ATRX: variants seen among roughly 807,000 people sequenced by gnomAD.
The protein encoded by ATRX is ATRX chromatin remodeler, also known as chromatin remodeler ATRX.
Under a neutral mutation model 172.6 loss-of-function variants are expected in ATRX, and 12 were observed. The observed-to-expected ratio is 0.07, with a 90% CI of 0.04 to 0.11. The LOEUF (loss-of-function observed/expected upper bound fraction) is 0.11, where lower values mean the gene tolerates loss of function less well. ATRX is among the 10% of genes least tolerant of loss of function. The pLI is 1.00. For missense variants in ATRX, 1,368 were observed against 1,767.4 expected (o/e 0.77, Z 4.05); for synonymous variants, 674 against 594.7 (o/e 1.13, Z -1.94).
At chrX:77,527,582 C>G (rs1477094429) in intron 30 of ATRX, among the ~76,000 whole-genome samples, 1 of 112,104 alleles carries the variant, frequency 8.9e-6, no homozygotes, top group Non-Finnish European at 1.9e-5. Flanking sequence ...CAGGCGCACA[C>G]AGAGATCTGG....
chrX:77,554,331 C>T (rs34209446), intron 30 of ATRX, among the ~76,000 whole-genome samples: 1,718 of 111,096 alleles, frequency 0.015, 14 homozygotes, highest in Non-Finnish European at 0.024. Context: ...TTTTCGCTGC[C>T]TATCCCTTTA....
chrX:77,785,413 T>C (rs1484808058), intron 1 of ATRX, among the ~76,000 whole-genome samples: 1 of 108,837 alleles, frequency 9.2e-6, no homozygotes, highest in Non-Finnish European at 1.9e-5. Flanking sequence ...GATACCTAAA[T>C]ACCTGGAACT....
intron 12 of ATRX, among the ~76,000 whole-genome samples, chrX:77,661,098 A>T (rs1490760222): frequency 8.9e-6 from 1 of 112,241 alleles, no homozygotes; most frequent in Non-Finnish European, 1.9e-5. Context: ...TTCAATAGGG[A>T]AAAAAGTGGT....
chrX:77,570,176 T>C (rs1189177597), intron 28 of ATRX, among the ~76,000 whole-genome samples: 1 of 108,189 alleles, frequency 9.2e-6, no homozygotes, highest in African/African-American at 3.3e-5. Flanking sequence ...TATGGTTTTT[T>C]CTTCGTTCTT....
chrX:77,684,204 T>A lies in ATRX; in HGVS notation c.1052A>T (p.Glu351Val). Residue 351 changes from glutamate to valine, a missense_variant, in exon 9 of 35, where the codon GAG becomes GTG. Glu to Val is a moderately radical substitution (Grantham distance 121). Coordinates refer to ENST00000373344, the MANE Select transcript of ATRX (RefSeq NM_000489.6). The stretch of plus-strand genomic sequence containing the variant: ...CAGTTTTTTTGCCTTCTTAATCATC[T>A]CTTTGGGCACAATTAGTGCGGAATA... Reference protein sequence around the residue: ...YSYSALIVPKEMIKKAKKLIE... With the variant: ...YSYSALIVPKVMIKKAKKLIE... The A allele has an allele frequency of 8.3e-7, 1 of 1,211,063 alleles. No homozygotes were observed. The highest frequency in any genetic ancestry group is 1.1e-6 in the Non-Finnish European group (1 of 895,274).
intron 30 of ATRX, among the ~76,000 whole-genome samples, chrX:77,552,795 A>G (rs1312347117): frequency 1.8e-5 from 2 of 110,903 alleles, no homozygotes; most frequent in African/African-American, 3.3e-5. Context: ...GAAATGGAGG[A>G]ACAGGAATTA....
chrX:77,608,372 A>G (rs1557092102), intron 22 of ATRX, among the ~76,000 whole-genome samples: 1 of 107,119 alleles, frequency 9.3e-6, no homozygotes, highest in East Asian at 2.9e-4. Flanking sequence ...CCGTCTCAAA[A>G]AAAAAAAAAA....
chrX:77,521,378 A>G, intron 33 of ATRX, 25 bp downstream of exon 33: 2 of 1,151,053 alleles, frequency 1.7e-6, no homozygotes, highest in African/African-American at 3.5e-5. Context: ...GGAGGTTGGA[A>G]TAAGACAATT....
At chrX:77,544,634 T>A (rs2064163651) in intron 30 of ATRX, among the ~76,000 whole-genome samples, 2 of 104,020 alleles carry the variant, frequency 1.9e-5, no homozygotes, top group African/African-American at 3.5e-5. Flanking sequence ...GATCTCATTG[T>A]TCAATTTCCA....
intron 9 of ATRX, 133 bp from the exon 10 acceptor site, chrX:77,676,431 G>T: frequency 2.2e-6 from 1 of 454,144 alleles, no homozygotes; most frequent in Non-Finnish European, 3.8e-6. Context: ...CAAAATATGA[G>T]TAAAAAGCAT....
intron 2 of ATRX, among the ~76,000 whole-genome samples, chrX:77,715,386 T>C (rs2073325974): frequency 8.9e-6 from 1 of 111,944 alleles, no homozygotes; most frequent in Non-Finnish European, 1.9e-5. Context: ...CTATAACATA[T>C]AGCCTAGGTG....
chrX:77,697,487 T>G (rs782468992), intron 4 of ATRX, 96 bp downstream of exon 4: 1 of 839,463 alleles, frequency 1.2e-6, no homozygotes, highest in Non-Finnish European at 1.8e-6. Context: ...TAACTCAGAA[T>G]AGTGGTTGAC....
chrX:77,721,080 T>C (rs782661506), intron 1 of ATRX, among the ~76,000 whole-genome samples: 1 of 111,842 alleles, frequency 8.9e-6, no homozygotes, highest in Non-Finnish European at 1.9e-5. Flanking sequence ...AAAAACCACA[T>C]GATTATCTCA....
At chrX:77,614,513 A>C (rs988455516) in intron 22 of ATRX, among the ~76,000 whole-genome samples, 7 of 112,257 alleles carry the variant, frequency 6.2e-5, no homozygotes, top group African/African-American at 2.3e-4. Flanking sequence ...ATAGTCACAA[A>C]GAATAAAGCA....
At chrX:77,537,573 G>A (rs1316855625) in intron 30 of ATRX, among the ~76,000 whole-genome samples, 2 of 110,875 alleles carry the variant, frequency 1.8e-5, no homozygotes, top group Non-Finnish European at 3.8e-5. Context: ...GGTGGTGCAC[G>A]CCTGTAGATT....
chrX:77,667,024 ATATT>A (rs1455264584), intron 10 of ATRX, among the ~76,000 whole-genome samples: 11 of 111,169 alleles, frequency 9.9e-5, no homozygotes, highest in Non-Finnish European at 2.1e-4. Flanking sequence ...AAGATAGAAA[ATATT>A]TATTAATATT....
chrX:77,539,434 T>C (rs2063882067), intron 30 of ATRX, among the ~76,000 whole-genome samples: 1 of 110,870 alleles, frequency 9.0e-6, no homozygotes, highest in Non-Finnish European at 1.9e-5. Flanking sequence ...AGCCTTTACA[T>C]CTAATTTCTG....
At chrX:77,543,931 C>T (rs1265628121) in intron 30 of ATRX, among the ~76,000 whole-genome samples, 5 of 98,036 alleles carry the variant, frequency 5.1e-5, no homozygotes, top group Admixed American at 3.6e-4. Context: ...ACTTTCTGCA[C>T]ATGTACCCCA....
intron 2 of ATRX, among the ~76,000 whole-genome samples, chrX:77,711,707 T>C (rs1471389499): frequency 9.0e-6 from 1 of 111,647 alleles, no homozygotes; most frequent in East Asian, 2.8e-4. Context: ...TGGTGGCAGG[T>C]GCCTGTAATC....
Sources: gnomAD v4.1 joint callset for allele counts (sites outside exome capture counted in the v4.1 genomes callset) on GRCh38, gnomAD v4.1.1 for gene constraint, MANE v1.5 for transcripts, NCBI Gene and HGNC (gene_info 2026-07-23, HGNC 2026-07-21) for gene names.